SRGAP1: variants seen among roughly 807,000 people sequenced by gnomAD.
The protein encoded by SRGAP1 is SLIT-ROBO Rho GTPase-activating protein 1.
In SRGAP1, 43 loss-of-function variants were observed where a neutral mutation model predicts 121.9. The observed-to-expected ratio is 0.35, with a 90% CI of 0.28 to 0.46. The LOEUF (loss-of-function observed/expected upper bound fraction) is 0.46. SRGAP1 is among the 20% of genes least tolerant of loss of function. The pLI is 1.00. For synonymous variants in SRGAP1, 447 were observed against 485.4 expected, an observed-to-expected ratio of 0.92 and a Z score of 1.04; for missense variants, 1,102 against 1,350.9, an observed-to-expected ratio of 0.82 and a Z score of 2.89.
chr12:63,944,924 C>G (rs1483655590), intron 1 of SRGAP1, among the ~76,000 whole-genome samples: 7 of 152,156 alleles, frequency 4.6e-5, no homozygotes, highest in African/African-American at 1.7e-4. Flanking sequence ...AGCACCGCTT[C>G]CTAGGTAGGC....
intron 1 of SRGAP1, among the ~76,000 whole-genome samples, chr12:63,956,432 C>A (rs2032471790): frequency 6.6e-6 from 1 of 152,054 alleles, no homozygotes; most frequent in South Asian, 2.1e-4. Flanking sequence ...TGCATATTTT[C>A]AAAGTTGCAG....
intron 6 of SRGAP1, among the ~76,000 whole-genome samples, chr12:64,058,568 T>C (rs2035386669): frequency 6.6e-6 from 1 of 152,180 alleles, no homozygotes; most frequent in Non-Finnish European, 1.5e-5. Context: ...TTTTAATCCA[T>C]AATTTTATGT....
chr12:64,013,578 C>T (rs2034314882), intron 3 of SRGAP1, among the ~76,000 whole-genome samples: 1 of 152,198 alleles, frequency 6.6e-6, no homozygotes, highest in African/African-American at 2.4e-5. Flanking sequence ...GGTCTACCTA[C>T]TGAAAGGAAC....
intron 1 of SRGAP1, among the ~76,000 whole-genome samples, chr12:63,846,965 G>T (rs571477026): frequency 1.3e-5 from 2 of 152,360 alleles, no homozygotes; most frequent in East Asian, 3.9e-4. Context: ...AGGCCCCTTA[G>T]TAAGGACAGC....
chr12:63,935,282 T>A (rs1401542161), intron 1 of SRGAP1, among the ~76,000 whole-genome samples: 1 of 152,204 alleles, frequency 6.6e-6, no homozygotes, highest in East Asian at 1.9e-4. Context: ...TTAAGAAAAC[T>A]CTGTTGGCAA....
At chr12:63,892,895 A>T (rs921709616) in intron 1 of SRGAP1, among the ~76,000 whole-genome samples, 1 of 151,790 alleles carries the variant, frequency 6.6e-6, no homozygotes, top group African/African-American at 2.4e-5. Flanking sequence ...TAAAAAAAAA[A>T]TTGTAGCAAT....
chr12:63,938,332 G>GTGGAAGAGCAGATGCCGCCC (rs2136347046), intron 1 of SRGAP1, among the ~76,000 whole-genome samples: 1 of 152,288 alleles, frequency 6.6e-6, no homozygotes, highest in South Asian at 2.1e-4. Flanking sequence ...CCTTGTAGAG[G>GTGGAAGAGCAGATGCCGCCC]TGGAAGAGCA....
intron 1 of SRGAP1, among the ~76,000 whole-genome samples, chr12:63,860,969 G>A (rs1328642516): frequency 6.6e-6 from 1 of 151,944 alleles, no homozygotes; most frequent in Non-Finnish European, 1.5e-5. Context: ...TTGAGTAACT[G>A]GGAGTGCAGG....
intron 1 of SRGAP1, among the ~76,000 whole-genome samples, chr12:63,881,983 G>A (rs368640516): frequency 6.6e-6 from 1 of 152,126 alleles, no homozygotes; most frequent in East Asian, 1.9e-4. Flanking sequence ...GGGAAATATT[G>A]TGGAAACTAG....
chr12:63,851,766 T>C (rs1899082762), intron 1 of SRGAP1, among the ~76,000 whole-genome samples: 1 of 151,594 alleles, frequency 6.6e-6, no homozygotes, highest in East Asian at 2.0e-4. Context: ...AGAGTTTTAC[T>C]GTGTTGGCCA....
chr12:64,106,057 T>C (rs1481574333), intron 15 of SRGAP1, among the ~76,000 whole-genome samples: 2 of 152,214 alleles, frequency 1.3e-5, no homozygotes, highest in Non-Finnish European at 2.9e-5. Context: ...TATTCCTCTG[T>C]TGCCCAGACT....
intron 18 of SRGAP1, 101 bp from the exon 19 acceptor site, chr12:64,125,876 A>G (rs2036678878): frequency 8.4e-7 from 1 of 1,185,266 alleles, no homozygotes; most frequent in Non-Finnish European, 1.2e-6. Context: ...AGATATTAAA[A>G]TGGTCTTGAT....
intron 1 of SRGAP1, among the ~76,000 whole-genome samples, chr12:63,947,470 T>C (rs1304636253): frequency 2.0e-5 from 3 of 152,260 alleles, no homozygotes; most frequent in Non-Finnish European, 4.4e-5. Context: ...TTTGAGTTAA[T>C]TTTGGTTTAT....
At chr12:63,983,442 A>G (rs746839214) in intron 1 of SRGAP1, 5 of 152,164 alleles carry the variant, frequency 3.3e-5, no homozygotes, top group Admixed American at 6.5e-5. Flanking sequence ...CTAATTTATT[A>G]CATTCTTTCC....
chr12:64,011,287 C>A (rs1317628228), intron 3 of SRGAP1, among the ~76,000 whole-genome samples: 1 of 151,944 alleles, frequency 6.6e-6, no homozygotes, highest in African/African-American at 2.4e-5. Flanking sequence ...GTTCTGATGA[C>A]CTATAGAAAA....
chr12:63,934,240 A>G (rs1165515258), intron 1 of SRGAP1, among the ~76,000 whole-genome samples: 1 of 152,158 alleles, frequency 6.6e-6, no homozygotes, highest in African/African-American at 2.4e-5. Context: ...GTGTTGCTTC[A>G]GCTGTCTATC....
intron 3 of SRGAP1, among the ~76,000 whole-genome samples, chr12:64,005,003 A>ATT: frequency 6.6e-6 from 1 of 152,238 alleles, no homozygotes; most frequent in East Asian, 1.9e-4. Flanking sequence ...ATACCTTGGA[A>ATT]TATATCAACC....
intron 1 of SRGAP1, among the ~76,000 whole-genome samples, chr12:63,869,225 C>T (rs1002357602): frequency 6.6e-6 from 1 of 152,126 alleles, no homozygotes; most frequent in East Asian, 1.9e-4. Flanking sequence ...CTGATGAGGG[C>T]CTTCTTGCTA....
At chr12:64,039,989 CCTTA>C (rs2034982443) in intron 4 of SRGAP1, among the ~76,000 whole-genome samples, 1 of 152,122 alleles carries the variant, frequency 6.6e-6, no homozygotes, top group Admixed American at 6.6e-5. Context: ...ATATTTTAGC[CCTTA>C]CTTTGTTCTG....
Sources: gnomAD v4.1 joint callset for allele counts (sites outside exome capture counted in the v4.1 genomes callset) on GRCh38, gnomAD v4.1.1 for gene constraint, MANE v1.5 for transcripts, NCBI Gene and HGNC (gene_info 2026-07-23, HGNC 2026-07-21) for gene names.